HMGCLL1: variants seen among roughly 807,000 people sequenced by gnomAD.
The protein encoded by HMGCLL1 is 3-hydroxy-3-methylglutaryl-CoA lyase like 1.
HMGCLL1 carries 36 observed loss-of-function variants against 39.1 expected under a neutral mutation model. That is an observed-to-expected ratio of 0.92 (90% confidence interval 0.71 to 1.22). HMGCLL1 has a LOEUF of 1.22. Among genes scored for constraint, HMGCLL1 ranks in the 50% most tolerant of loss-of-function variants. The pLI is 0.00. For missense variants in HMGCLL1, 451 were observed against 416.5 expected (o/e 1.08, Z -0.72); for synonymous variants, 149 against 144.0 (o/e 1.03, Z -0.25).
At chr6:55,668,798 A>T in the HMGCLL1 span, among the ~76,000 whole-genome samples, 1 of 151,612 alleles carries the variant, frequency 6.6e-6, no homozygotes, top group African/African-American at 2.4e-5. Flanking sequence ...TTTTTCTTTC[A>T]TTTTTCCTGT....
the HMGCLL1 span, among the ~76,000 whole-genome samples, chr6:55,627,602 G>A: frequency 1.3e-5 from 2 of 151,480 alleles, no homozygotes; most frequent in African/African-American, 4.8e-5. Context: ...ATTAACATTT[G>A]AGTCAGTGGG....
rs1022772856 is a variant in HMGCLL1, at chr6:55,532,313, G to A, written c.297+9416C>T. Among the ~76,000 whole-genome samples the A allele has an allele frequency of 2.6e-4, 39 of 152,138 alleles. 1 individual carries two copies. The highest frequency in any genetic ancestry group is 9.2e-4 in the African/African-American group (38 of 41,504). On this transcript the variant is annotated intron_variant, in intron 3 of 8. Transcript: ENST00000274901. ...AATTATATGTTCTGCTTGAAAATATGAGCATATTAAACAATAAAATTGCTG... is the reference window on the plus strand; with the variant it reads ...AATTATATGTTCTGCTTGAAAATATAAGCATATTAAACAATAAAATTGCTG...
At chr6:55,593,595 C>T in the HMGCLL1 span, among the ~76,000 whole-genome samples, 3 of 152,090 alleles carry the variant, frequency 2.0e-5, no homozygotes, top group South Asian at 2.1e-4. Context: ...TTGTTTTAAA[C>T]GTTGTTTTAA....
intron 3 of HMGCLL1, among the ~76,000 whole-genome samples, chr6:55,524,218 T>C (rs1768190201): frequency 6.6e-6 from 1 of 151,866 alleles, no homozygotes; most frequent in Non-Finnish European, 1.5e-5. Context: ...GAAAACATCA[T>C]AGTGTTGACC....
intron 3 of HMGCLL1, among the ~76,000 whole-genome samples, chr6:55,528,575 A>G (rs896594655): frequency 1.3e-5 from 2 of 151,826 alleles, no homozygotes; most frequent in Non-Finnish European, 2.9e-5. Flanking sequence ...AAGAAGTAAG[A>G]CAGTTTTAAT....
At chr6:55,458,749 T>C (rs528634829) in intron 7 of HMGCLL1, among the ~76,000 whole-genome samples, 32 of 152,320 alleles carry the variant, frequency 2.1e-4, no homozygotes, top group Non-Finnish European at 4.3e-4. Flanking sequence ...ACTAGCATTT[T>C]TTAATAAGAA....
At chr6:55,647,733 CT>C in the HMGCLL1 span, among the ~76,000 whole-genome samples, 2,069 of 112,810 alleles carry the variant, frequency 0.018, 63 homozygotes, top group African/African-American at 0.063. Flanking sequence ...CTCTTCATGT[CT>C]TTTTTTTTTC....
the HMGCLL1 span, among the ~76,000 whole-genome samples, chr6:55,639,756 T>A: frequency 6.6e-6 from 1 of 151,910 alleles, no homozygotes; most frequent in African/African-American, 2.4e-5. Context: ...ATAATGACAA[T>A]GAAAATTATG....
chr6:55,560,157 T>C (rs1457258928), intron 1 of HMGCLL1, among the ~76,000 whole-genome samples: 1 of 152,170 alleles, frequency 6.6e-6, no homozygotes, highest in Admixed American at 6.6e-5. Flanking sequence ...ACTGCTGCAG[T>C]ATAAGTAAGT....
chr6:55,641,761 T>A, the HMGCLL1 span, among the ~76,000 whole-genome samples: 1 of 151,846 alleles, frequency 6.6e-6, no homozygotes, highest in Non-Finnish European at 1.5e-5. Context: ...GAAAATCAAA[T>A]CTGTTTCCTA....
the HMGCLL1 span, among the ~76,000 whole-genome samples, chr6:55,606,300 T>C: frequency 2.0e-5 from 3 of 152,172 alleles, no homozygotes; most frequent in South Asian, 4.1e-4. Context: ...ACACGACATA[T>C]ATCCATTATT....
chr6:55,556,668 T>C (rs1419035356), intron 1 of HMGCLL1, among the ~76,000 whole-genome samples: 1 of 152,052 alleles, frequency 6.6e-6, no homozygotes, highest in Non-Finnish European at 1.5e-5. Flanking sequence ...CGGGATTTTA[T>C]AGAGAATAGA....
intron 3 of HMGCLL1, among the ~76,000 whole-genome samples, chr6:55,536,645 T>C (rs1433595381): frequency 3.9e-5 from 5 of 126,984 alleles, no homozygotes; most frequent in African/African-American, 8.5e-5. Context: ...TTATATTTCA[T>C]GTCACTCTAA....
intron 7 of HMGCLL1, among the ~76,000 whole-genome samples, chr6:55,442,120 G>C (rs1763624367): frequency 6.6e-6 from 1 of 151,990 alleles, no homozygotes. Context: ...TATGACGGCT[G>C]GTATTAACTT....
At chr6:55,497,586 A>T (rs994420659) in intron 6 of HMGCLL1, among the ~76,000 whole-genome samples, 1 of 152,174 alleles carries the variant, frequency 6.6e-6, no homozygotes, top group Non-Finnish European at 1.5e-5. Context: ...CCTACTGAGG[A>T]ATAAATAAAT....
At chr6:55,497,387 T>C (rs1766636915) in intron 6 of HMGCLL1, among the ~76,000 whole-genome samples, 1 of 152,118 alleles carries the variant, frequency 6.6e-6, no homozygotes, top group African/African-American at 2.4e-5. Context: ...AATGAGAATG[T>C]ATAAAAGCCA....
rs888470427 is a variant in HMGCLL1 at position 55,504,861 on chromosome 6, T to C, written c.543-5562A>G. ...ATTCCTAATTTTTATAGTAAACAAA[T>C]AGGTAAGGTTTATTTATGTTCTAAA... is the stretch of plus-strand genomic sequence containing the variant. On this transcript the variant is annotated intron_variant, in intron 5 of 8. Transcript: ENST00000274901. Among the ~76,000 whole-genome samples the C allele has an allele frequency of 5.3e-5, 8 of 151,724 alleles. 1 individual carries two copies. Among genetic ancestry groups the C allele is most frequent in the Admixed American group, 5.3e-4 (8 of 15,180 alleles).
chr6:55,443,902 G>A (rs1021842063), intron 7 of HMGCLL1, among the ~76,000 whole-genome samples: 6 of 151,684 alleles, frequency 4.0e-5, no homozygotes, highest in East Asian at 3.9e-4. Flanking sequence ...GAAGACATAC[G>A]TCATTTCATT....
At chr6:55,666,508 T>A in the HMGCLL1 span, among the ~76,000 whole-genome samples, 1 of 151,782 alleles carries the variant, frequency 6.6e-6, no homozygotes, top group Non-Finnish European at 1.5e-5. Flanking sequence ...TTATTGCATC[T>A]AATATTACAT....
Sources: gnomAD v4.1 joint callset for allele counts (sites outside exome capture counted in the v4.1 genomes callset) on GRCh38, gnomAD v4.1.1 for gene constraint, MANE v1.5 for transcripts, NCBI Gene and HGNC (gene_info 2026-07-23, HGNC 2026-07-21) for gene names.